STMN2: variants seen among roughly 807,000 people sequenced by gnomAD.
The protein encoded by STMN2 is stathmin-2.
STMN2 carries 2 observed loss-of-function variants against 24.1 expected under a neutral mutation model. The ratio of observed to expected loss-of-function variants is 0.08; its 90% CI spans 0.03 to 0.26. The LOEUF (loss-of-function observed/expected upper bound fraction) is 0.26, where lower values mean the gene tolerates loss of function less well. Among genes scored for constraint, STMN2 ranks in the 10% least tolerant of loss-of-function variants. The pLI is 1.00. For missense variants in STMN2, 114 were observed against 213.6 expected, an observed-to-expected ratio of 0.53 and a Z score of 2.91; for synonymous variants, 83 against 77.5, an observed-to-expected ratio of 1.07 and a Z score of -0.37.
At chr8:79,649,425 T>C (rs1810286379) in intron 3 of STMN2, among the ~76,000 whole-genome samples, 1 of 152,216 alleles carries the variant, frequency 6.6e-6, no homozygotes, top group Admixed American at 6.5e-5. Context: ...TTTCCTGTTA[T>C]GCTTCAGGCT....
chr8:79,614,779 TTGTTACAGCTATTA>T (rs1237996334), intron 1 of STMN2, among the ~76,000 whole-genome samples: 3 of 152,258 alleles, frequency 2.0e-5, no homozygotes, highest in Non-Finnish European at 4.4e-5. Context: ...AGTGTTTTTA[TTGTTACAGCTATTA>T]CCTCATTAAT....
chr8:79,630,133 A>T (rs182813152), intron 1 of STMN2, among the ~76,000 whole-genome samples: 91 of 152,292 alleles, frequency 6.0e-4, no homozygotes, highest in Middle Eastern at 6.8e-3. Flanking sequence ...TCTAAAGACA[A>T]TCAACCCCAT....
chr8:79,637,216 G>GATC (rs1258728182), intron 2 of STMN2, among the ~76,000 whole-genome samples: 1 of 152,170 alleles, frequency 6.6e-6, no homozygotes, highest in Admixed American at 6.5e-5. Context: ...CATAATTGGA[G>GATC]TAGATCATAA....
intron 3 of STMN2, among the ~76,000 whole-genome samples, chr8:79,652,750 G>C (rs1031639573): frequency 6.6e-6 from 1 of 151,934 alleles, no homozygotes; most frequent in Non-Finnish European, 1.5e-5. Context: ...AACCATATGA[G>C]ATAGGTACTA....
intron 1 of STMN2, among the ~76,000 whole-genome samples, chr8:79,612,278 G>A (rs1809255074): frequency 6.6e-6 from 1 of 152,194 alleles, no homozygotes. Context: ...AGAGAGATGG[G>A]AAAAGTGGGT....
intron 2 of STMN2, among the ~76,000 whole-genome samples, chr8:79,640,301 T>G (rs534835233): frequency 6.6e-6 from 1 of 152,304 alleles, no homozygotes; most frequent in African/African-American, 2.4e-5. Context: ...TAACCACAAT[T>G]CTACTCTGCT....
intron 1 of STMN2, among the ~76,000 whole-genome samples, chr8:79,614,688 GT>G (rs1379745228): frequency 6.6e-6 from 1 of 152,096 alleles, no homozygotes; most frequent in Non-Finnish European, 1.5e-5. Context: ...TACAACTTTA[GT>G]CAAAATTCAC....
intron 1 of STMN2, among the ~76,000 whole-genome samples, chr8:79,628,747 A>C (rs1458276612): frequency 6.6e-6 from 1 of 152,268 alleles, no homozygotes; most frequent in South Asian, 2.1e-4. Flanking sequence ...CACTTCTCAG[A>C]GGAGCTTTCA....
intron 1 of STMN2, among the ~76,000 whole-genome samples, chr8:79,632,603 G>A (rs1809832282): frequency 6.6e-6 from 1 of 152,164 alleles, no homozygotes; most frequent in Admixed American, 6.5e-5. Flanking sequence ...AGTGTGTCGG[G>A]ACACAAACAA....
At chr8:79,650,290 C>T (rs894174341) in intron 3 of STMN2, among the ~76,000 whole-genome samples, 1 of 152,186 alleles carries the variant, frequency 6.6e-6, no homozygotes, top group South Asian at 2.1e-4. Context: ...CACCACCCTC[C>T]GTTTCATAAG....
chr8:79,621,950 CAGAAGTGTAA>C (rs1260181771), intron 1 of STMN2, among the ~76,000 whole-genome samples: 2 of 152,164 alleles, frequency 1.3e-5, no homozygotes, highest in Non-Finnish European at 2.9e-5. Context: ...AAAGTTAAAA[CAGAAGTGTAA>C]AGTTCTGTGC....
At chr8:79,653,818 C>T (rs1810387749) in intron 3 of STMN2, among the ~76,000 whole-genome samples, 1 of 152,176 alleles carries the variant, frequency 6.6e-6, no homozygotes, top group African/African-American at 2.4e-5. Flanking sequence ...ATCCAGAAGC[C>T]ATGAGTGTGT....
chr8:79,623,184 G>GA (rs1241275039), intron 1 of STMN2, among the ~76,000 whole-genome samples: 2 of 152,190 alleles, frequency 1.3e-5, no homozygotes, highest in African/African-American at 4.8e-5. Context: ...GTATGGTGAT[G>GA]AAAAGGATAT....
At chr8:79,647,775 T>C (rs73690181) in intron 3 of STMN2, among the ~76,000 whole-genome samples, 2,113 of 152,356 alleles carry the variant, frequency 0.014, 46 homozygotes, top group African/African-American at 0.049. Flanking sequence ...TGATCATCTC[T>C]ATGAGTCTAT....
chr8:79,654,259 G>T (rs952744043), intron 3 of STMN2, among the ~76,000 whole-genome samples: 1 of 151,618 alleles, frequency 6.6e-6, no homozygotes, highest in Non-Finnish European at 1.5e-5. Flanking sequence ...TCAAGAGAGG[G>T]TCAAAACAAG....
At chr8:79,637,779 C>T (rs893750853) in intron 2 of STMN2, among the ~76,000 whole-genome samples, 1 of 152,154 alleles carries the variant, frequency 6.6e-6, no homozygotes, top group Admixed American at 6.5e-5. Flanking sequence ...TTTACTAACT[C>T]TCAGGCTCAC....
chr8:79,655,305 G>A (rs1806317640), intron 4 of STMN2, among the ~76,000 whole-genome samples: 1 of 152,144 alleles, frequency 6.6e-6, no homozygotes, highest in South Asian at 2.1e-4. Context: ...AGTGGATTCA[G>A]GGAGGCTGAT....
intron 3 of STMN2, among the ~76,000 whole-genome samples, chr8:79,645,812 A>G (rs1810205124): frequency 6.6e-6 from 1 of 152,188 alleles, no homozygotes; most frequent in Non-Finnish European, 1.5e-5. Flanking sequence ...ACTCTCGTTC[A>G]TGGTAAACAG....
At chr8:79,629,766 G>A (rs1391388822) in intron 1 of STMN2, among the ~76,000 whole-genome samples, 3 of 152,122 alleles carry the variant, frequency 2.0e-5, no homozygotes, top group Non-Finnish European at 4.4e-5. Flanking sequence ...ACACTACCCA[G>A]ATAAGAATTC....
Sources: gnomAD v4.1 joint callset for allele counts (sites outside exome capture counted in the v4.1 genomes callset) on GRCh38, gnomAD v4.1.1 for gene constraint, MANE v1.5 for transcripts, NCBI Gene and HGNC (gene_info 2026-07-23, HGNC 2026-07-21) for gene names.